ANKS1B: variants seen among roughly 807,000 people sequenced by gnomAD.
The protein encoded by ANKS1B is ankyrin repeat and sterile alpha motif domain-containing protein 1B.
ANKS1B carries 36 observed loss-of-function variants against 148.3 expected under a neutral mutation model. That is an observed-to-expected ratio of 0.24 (90% CI 0.19 to 0.32). The LOEUF is 0.32. Among genes scored for constraint, ANKS1B ranks in the 10% least tolerant of loss-of-function variants. ANKS1B has a pLI of 1.00. For missense variants in ANKS1B, 1,157 were observed against 1,542.6 expected (o/e 0.75, Z 4.19); for synonymous variants, 542 against 560.8 (o/e 0.97, Z 0.47).
intron 8 of ANKS1B, among the ~76,000 whole-genome samples, chr12:99,671,633 A>G (rs936401140): frequency 2.6e-5 from 4 of 152,156 alleles, no homozygotes; most frequent in Admixed American, 2.6e-4. Flanking sequence ...ATATTAACTA[A>G]GTCATGATAA....
chr12:99,403,664 C>T (rs1318407388), intron 11 of ANKS1B, among the ~76,000 whole-genome samples: 1 of 144,682 alleles, frequency 6.9e-6, no homozygotes, highest in Admixed American at 6.9e-5. Context: ...TCAATTTTTT[C>T]TTTTATTCCA....
chr12:98,894,782 C>T, intron 17 of ANKS1B: 1 of 985,040 alleles, frequency 1.0e-6, no homozygotes, highest in Non-Finnish European at 1.2e-6. Context: ...AGCGGCGAGG[C>T]GAGGGCGAGC....
chr12:99,272,211 G>A (rs2077124074), intron 12 of ANKS1B, among the ~76,000 whole-genome samples: 1 of 152,132 alleles, frequency 6.6e-6, no homozygotes, highest in Non-Finnish European at 1.5e-5. Flanking sequence ...GACCATAAGT[G>A]ATTGCTATAA....
At chr12:99,460,748 A>T (rs547267705) in intron 10 of ANKS1B, among the ~76,000 whole-genome samples, 8 of 151,736 alleles carry the variant, frequency 5.3e-5, no homozygotes, top group South Asian at 2.1e-4. Context: ...AAAAAAATGG[A>T]TGTTAACATG....
At chr12:99,069,820 G>C (rs2045709118) in intron 16 of ANKS1B, among the ~76,000 whole-genome samples, 1 of 152,168 alleles carries the variant, frequency 6.6e-6, no homozygotes, top group Non-Finnish European at 1.5e-5. Flanking sequence ...CCCAAGATGA[G>C]TAAATTGATG....
chr12:99,271,437 T>C (rs1245556129), intron 12 of ANKS1B, among the ~76,000 whole-genome samples: 1 of 152,016 alleles, frequency 6.6e-6, no homozygotes, highest in East Asian at 1.9e-4. Context: ...TATTTGTGCA[T>C]ATCTATCCTT....
chr12:99,563,492 G>A (rs906323871), intron 9 of ANKS1B, among the ~76,000 whole-genome samples: 6 of 152,180 alleles, frequency 3.9e-5, no homozygotes, highest in East Asian at 3.9e-4. Context: ...ATAGCTAGTC[G>A]GTGGAGCAGT....
At chr12:99,925,048 T>A (rs985155531) in intron 1 of ANKS1B, among the ~76,000 whole-genome samples, 3 of 152,076 alleles carry the variant, frequency 2.0e-5, no homozygotes, top group African/African-American at 7.2e-5. Flanking sequence ...GCACCTAGAA[T>A]AAATGCCATT....
intron 1 of ANKS1B, among the ~76,000 whole-genome samples, chr12:99,905,194 C>G (rs1056797593): frequency 2.0e-5 from 3 of 152,126 alleles, no homozygotes; most frequent in Admixed American, 6.6e-5. Flanking sequence ...ACTCTGACTA[C>G]AGTTACATTA....
At chr12:99,872,263 T>C (rs1408181979) in intron 1 of ANKS1B, among the ~76,000 whole-genome samples, 2 of 152,126 alleles carry the variant, frequency 1.3e-5, no homozygotes, top group East Asian at 3.8e-4. Context: ...CATGTGTGTG[T>C]ATACCAGTTA....
chr12:99,015,590 G>A (rs532752273), intron 17 of ANKS1B, among the ~76,000 whole-genome samples: 1 of 152,312 alleles, frequency 6.6e-6, no homozygotes, highest in East Asian at 1.9e-4. Context: ...GCTTTGGCCG[G>A]GAGCAGTGGC....
intron 22 of ANKS1B, among the ~76,000 whole-genome samples, chr12:98,783,596 G>C (rs2098758339): frequency 6.6e-6 from 1 of 152,154 alleles, no homozygotes; most frequent in African/African-American, 2.4e-5. Context: ...GCCTATTAGG[G>C]GTGATTGAGC....
chr12:99,134,641 TCTCTCACA>T (rs1233380983), intron 15 of ANKS1B, among the ~76,000 whole-genome samples: 139 of 81,724 alleles, frequency 1.7e-3, no homozygotes, highest in African/African-American at 2.2e-3. Context: ...TCTCTCTCTC[TCTCTCACA>T]CACACACACA....
intron 1 of ANKS1B, among the ~76,000 whole-genome samples, chr12:99,843,080 A>G (rs2086030588): frequency 6.6e-6 from 1 of 151,920 alleles, no homozygotes; most frequent in Non-Finnish European, 1.5e-5. Flanking sequence ...CTTTTTTCCA[A>G]CTTTTAGGTT....
intron 11 of ANKS1B, among the ~76,000 whole-genome samples, chr12:99,409,458 A>G (rs2094618406): frequency 6.6e-6 from 1 of 152,156 alleles, no homozygotes. Flanking sequence ...TTATGACTAG[A>G]GTCAGCAATA....
At chr12:99,697,863 G>A (rs1359601686) in intron 8 of ANKS1B, among the ~76,000 whole-genome samples, 2 of 152,142 alleles carry the variant, frequency 1.3e-5, no homozygotes, top group Non-Finnish European at 1.5e-5. Flanking sequence ...TGTACTTTCT[G>A]CTAAACTTTT....
chr12:99,797,438 T>C (rs1248233694), intron 4 of ANKS1B, among the ~76,000 whole-genome samples: 1 of 151,884 alleles, frequency 6.6e-6, no homozygotes, highest in Admixed American at 6.6e-5. Context: ...GTAGGAAGTC[T>C]ACAAAGAAAC....
chr12:99,573,330 T>C (rs1424523860), intron 9 of ANKS1B, among the ~76,000 whole-genome samples: 1 of 152,166 alleles, frequency 6.6e-6, no homozygotes, highest in Admixed American at 6.6e-5. Flanking sequence ...CTGTACTCTC[T>C]TATAAAAATA....
chr12:99,826,308 A>G (rs569462396), intron 1 of ANKS1B, among the ~76,000 whole-genome samples: 2 of 152,344 alleles, frequency 1.3e-5, no homozygotes, highest in African/African-American at 4.8e-5. Flanking sequence ...TAATAATTAC[A>G]AAGTGGTAAG....
Sources: allele counts gnomAD v4.1 joint callset (sites outside exome capture counted in the v4.1 genomes callset), GRCh38; gene constraint gnomAD v4.1.1; transcripts MANE v1.5; gene names NCBI Gene and HGNC (gene_info 2026-07-23, HGNC 2026-07-21).